Variants in NUDT5 observed in about 807,000 individuals in gnomAD.
NUDT5 encodes the protein ADP-sugar pyrophosphatase.
A neutral mutation model predicts 34.1 loss-of-function variants in NUDT5; 21 were observed. The observed-to-expected ratio is 0.62, with a 90% CI of 0.44 to 0.89. NUDT5 has a LOEUF of 0.89. NUDT5 is among the 40% of genes least tolerant of loss of function. The pLI is 0.00. For missense variants in NUDT5, 249 were observed against 274.8 expected (o/e 0.91, Z 0.66); for synonymous variants, 85 against 97.6 (o/e 0.87, Z 0.76).
intron 7 of NUDT5, 35 bp downstream of exon 7, chr10:12,172,730 C>G: frequency 6.8e-7 from 1 of 1,463,276 alleles, no homozygotes; most frequent in Non-Finnish European, 9.6e-7. Context: ...CGTAATGCAA[C>G]CACACCACCT....
In NUDT5 at chr10:12,181,441, T is replaced by C. The variant is rs1835039294; in HGVS notation, c.132-2309A>G. 6.6e-6 allele frequency among the ~76,000 whole-genome samples: 1 copy of C among 152,200 alleles called. No homozygotes were observed. The highest frequency in any genetic ancestry group is 1.5e-5 in the Non-Finnish European group (1 of 68,044). On this transcript the variant is annotated intron_variant, in intron 3 of 9. Coordinates refer to ENST00000491614, the MANE Select transcript of NUDT5 (RefSeq NM_014142.4). The surrounding 1 kb of genome is among the most constrained non-coding windows in gnomAD (Gnocchi z 5.0). ...CCGGAAGTGTTTCAGAGTTTGGTTT[T>C]TCAGATTTTGAAATATTTGCCTTAC...
At position 12,181,805 on chromosome 10, in the gene NUDT5, T is replaced by A. The variant is rs1368878964; in HGVS notation, c.132-2673A>T. ...ACCAGCCTGGGCAACATAGTGAGAC[T>A]CTGTCTCTACTAAAAAAATAAAAAT... On this transcript the variant is annotated intron_variant, in intron 3 of 9. Transcript: ENST00000491614. The surrounding 1 kb of genome is among the most constrained non-coding windows in gnomAD (Gnocchi z 5.0). Among the ~76,000 whole-genome samples the A allele has an allele frequency of 6.6e-6, 1 of 151,680 alleles. No individual in the cohort carries two copies. Among genetic ancestry groups the A allele is most frequent in the Admixed American group, 6.6e-5 (1 of 15,212 alleles).
intron 7 of NUDT5, among the ~76,000 whole-genome samples, chr10:12,172,322 A>G (rs529043456): frequency 6.6e-6 from 1 of 152,052 alleles, no homozygotes; most frequent in South Asian, 2.1e-4. Context: ...ATTCTGTCAC[A>G]GAGTGGCACC....
intron 1 of NUDT5, among the ~76,000 whole-genome samples, chr10:12,192,913 T>C (rs1835257864): frequency 6.6e-6 from 1 of 150,976 alleles, no homozygotes; most frequent in South Asian, 2.1e-4. Flanking sequence ...TGGTAAAAAA[T>C]TTGGGTACCC....
chr10:12,172,969 G>T, intron 6 of NUDT5, 103 bp from the exon 7 acceptor site: 1 of 807,568 alleles, frequency 1.2e-6, no homozygotes, highest in Non-Finnish European at 2.0e-6. Flanking sequence ...TGACGTGGAG[G>T]TGATGCGGGA....
chr10:12,181,183 A>G lies in NUDT5; in HGVS notation c.132-2051T>C, dbSNP rs750711507. On this transcript the variant is annotated intron_variant, in intron 3 of 9. Transcript: ENST00000491614. This position sits in a 1 kb window ranked among gnomAD's most constrained non-coding sequence, Gnocchi z 5.0. Reference sequence around the variant, plus strand: ...GCCATTATTCCCTAAACAATAGAGTACGACTGTTGACACAGCATTTGCATT... The same window carrying G: ...GCCATTATTCCCTAAACAATAGAGTGCGACTGTTGACACAGCATTTGCATT... 6.6e-5 allele frequency among the ~76,000 whole-genome samples: 10 copies of G among 152,238 alleles called. No individual in the cohort carries two copies. Among genetic ancestry groups the G allele is most frequent in the Non-Finnish European group, 1.2e-4 (8 of 68,040 alleles).
chr10:12,188,913 G>GTAA (rs2131717059), intron 1 of NUDT5, among the ~76,000 whole-genome samples: 1 of 152,200 alleles, frequency 6.6e-6, no homozygotes, highest in Non-Finnish European at 1.5e-5. Context: ...GATGGGAAGA[G>GTAA]TAATCTACAC....
chr10:12,184,898 C>T lies in NUDT5; in HGVS notation c.122G>A (p.Gly41Asp). Reference protein sequence around the residue: ...LEKTTYMDPTGKTRTWESVKR... With the variant: ...LEKTTYMDPTDKTRTWESVKR... ...AAAAAAAAAAGTTTACCTAGTTTTA[C>T]CAGTAGGATCCATGTACGTTGTTTT... Residue 41 changes from glycine to aspartate, a missense_variant, in exon 3 of 10, where the codon GGT becomes GAT. Transcript: ENST00000491614. The T allele has an allele frequency of 6.3e-7, 1 of 1,575,720 alleles. No individual in the cohort carries two copies. Among genetic ancestry groups the T allele is most frequent in the Non-Finnish European group, 8.7e-7 (1 of 1,154,332 alleles).
chr10:12,193,352 T>A (rs1835268481), intron 1 of NUDT5, among the ~76,000 whole-genome samples: 1 of 152,120 alleles, frequency 6.6e-6, no homozygotes, highest in African/African-American at 2.4e-5. Flanking sequence ...CAGGTGAAAA[T>A]CTTAATCTAG....
Position 12,169,336 on chromosome 10 carries a change from C to A in NUDT5, c.550+1381G>T. 1.3e-6 allele frequency: 2 copies of A among 1,542,496 alleles called. No homozygotes were observed. The highest frequency in any genetic ancestry group is 1.8e-6 in the Non-Finnish European group (2 of 1,138,818). On this transcript the variant is annotated intron_variant, in intron 9 of 9. Coordinates refer to ENST00000491614, the MANE Select transcript of NUDT5 (RefSeq NM_014142.4). This position sits in a 1 kb window ranked among gnomAD's most constrained non-coding sequence, Gnocchi z 4.8. Reference sequence around the variant, plus strand: ...GGATACTCTTCTACTAAAAGATAACCCCGCACGGCATTTCACACTTGCCTA... The same window carrying A: ...GGATACTCTTCTACTAAAAGATAACACCGCACGGCATTTCACACTTGCCTA...
At position 12,166,517 on chromosome 10, in the gene NUDT5, T is replaced by C. The variant is rs1056072923; in HGVS notation, c.*1185A>G. The stretch of plus-strand genomic sequence containing the variant: ...GATCTTACAGTTTCACTCATAAAAA[T>C]ATCCTGGGCTCAGACAGTGAGCCTG... On this transcript the variant is annotated 3_prime_UTR_variant, in exon 10 of 10. Coordinates refer to ENST00000491614, the MANE Select transcript of NUDT5 (RefSeq NM_014142.4). 1.4e-5 allele frequency: 4 copies of C among 286,724 alleles called. No individual in the cohort carries two copies. Among genetic ancestry groups the C allele is most frequent in the African/African-American group, 2.2e-5 (1 of 45,380 alleles). 17.8% of individuals were successfully genotyped at this position (286,724 alleles called of 1,614,324 possible). A position where few individuals can be genotyped will look rare whatever the true frequency, so the allele number is the denominator to read the frequency against.
At chr10:12,190,113 T>C (rs1165622455) in intron 1 of NUDT5, among the ~76,000 whole-genome samples, 3 of 152,134 alleles carry the variant, frequency 2.0e-5, no homozygotes, top group Non-Finnish European at 4.4e-5. Context: ...ATGGTCTCGA[T>C]CTCCTGACCT....
intron 7 of NUDT5, among the ~76,000 whole-genome samples, chr10:12,172,188 C>T (rs1313349576): frequency 6.6e-6 from 1 of 152,064 alleles, no homozygotes; most frequent in African/African-American, 2.4e-5. Flanking sequence ...TTGACAGAGA[C>T]ATCACAGCTT....
chr10:12,195,410 T>G (rs1456751487), intron 1 of NUDT5, among the ~76,000 whole-genome samples: 1 of 152,116 alleles, frequency 6.6e-6, no homozygotes, highest in Admixed American at 6.6e-5. Flanking sequence ...TTCCTCTGCT[T>G]TCTCACATTT....
At chr10:12,188,419 T>C (rs1460951114) in intron 1 of NUDT5, among the ~76,000 whole-genome samples, 3 of 152,120 alleles carry the variant, frequency 2.0e-5, no homozygotes, top group Non-Finnish European at 4.4e-5. Context: ...AAAGGTGAGA[T>C]GATGTTTTAG....
Position 12,172,817 on chromosome 10 carries a change from T to C in NUDT5, c.435A>G (p.Thr145=), listed in dbSNP as rs1418101624. 5 of 1,614,238 alleles carry C rather than the reference T, an allele frequency of 3.1e-6. No homozygotes were observed. In the East Asian group the frequency reaches 1.1e-4, roughly 36 times the overall value. ...GLSNCTIHIV[T]VTINGDDAEN... ...CGGCATCATCTCCGTTAATGGTGAC[T>C]GTCACGATGTGTATAGTACAGTTTG... Residue 145 remains threonine, a synonymous_variant, in exon 7 of 10, where the codon ACA becomes ACG. Transcript: ENST00000491614.
intron 3 of NUDT5, among the ~76,000 whole-genome samples, chr10:12,183,227 G>A (rs1045249878): frequency 6.6e-6 from 1 of 152,134 alleles, no homozygotes; most frequent in Admixed American, 6.5e-5. Context: ...TTCTGTATCG[G>A]GTTTGGGCCC....
intron 1 of NUDT5, among the ~76,000 whole-genome samples, chr10:12,189,351 C>A (rs1397937061): frequency 6.6e-6 from 1 of 152,170 alleles, no homozygotes; most frequent in Non-Finnish European, 1.5e-5. Context: ...GGTGATCCAC[C>A]AGCCTCAGCC....
rs1213966700 is a variant in NUDT5, at chr10:12,173,634, T to A, written c.385+84A>T. 2.0e-5 allele frequency: 21 copies of A among 1,033,198 alleles called. No individual in the cohort carries two copies. The highest frequency in any genetic ancestry group is 2.9e-5 in the Non-Finnish European group (19 of 652,924). 64.0% of individuals were successfully genotyped at this position (1,033,198 alleles called of 1,614,324 possible). On this transcript the variant is annotated intron_variant, in intron 6 of 9. Transcript: ENST00000491614. The surrounding 1 kb of genome is among the most constrained non-coding windows in gnomAD (Gnocchi z 4.7). Reference sequence around the variant, plus strand: ...TGTGATTTCTTTCTCTTCAGTGAATTCTGAGCGTAAAGAACACCCAAATAA... The same window carrying A: ...TGTGATTTCTTTCTCTTCAGTGAATACTGAGCGTAAAGAACACCCAAATAA...
Sources: allele counts gnomAD v4.1 joint callset (sites outside exome capture counted in the v4.1 genomes callset), GRCh38; gene constraint gnomAD v4.1.1; non-coding constraint Gnocchi (gnomAD v3.1); transcripts MANE v1.5; gene names NCBI Gene and HGNC (gene_info 2026-07-23, HGNC 2026-07-21).